The following GALNT2 variants were observed in gnomAD, a reference collection of about 807,000 sequenced individuals.
GALNT2 encodes UDP-GalNAc:polypeptide N-acetylgalactosaminyltransferase 2.
A neutral mutation model predicts 81.4 loss-of-function variants in GALNT2; 31 were observed. The observed-to-expected ratio is 0.38, with a 90% CI of 0.29 to 0.51. The LOEUF is 0.51. GALNT2 is among the 20% of genes least tolerant of loss of function. The pLI, the probability that GALNT2 is intolerant of heterozygous loss-of-function variation, is 0.87. For missense variants in GALNT2, 629 were observed against 765.7 expected, an observed-to-expected ratio of 0.82 and a Z score of 2.11; for synonymous variants, 303 against 287.4, an observed-to-expected ratio of 1.05 and a Z score of -0.55.
Position 230,070,629 on chromosome 1 carries a change from C to T in GALNT2, c.126+3223C>T, listed in dbSNP as rs77091524. On this transcript the variant is annotated intron_variant, in intron 1 of 15. Coordinates refer to ENST00000366672, the MANE Select transcript of GALNT2 (RefSeq NM_004481.5). This position sits in a 1 kb window ranked among gnomAD's most constrained non-coding sequence, Gnocchi z 4.7. ...ATCACCCTTATTCCCTGAGCTGGCA[C>T]GAGTCCTGTGGCCCTTGCCCGAGAG... Among the ~76,000 whole-genome samples, 3 of 151,474 alleles carry T rather than the reference C, an allele frequency of 2.0e-5. No homozygotes were observed. Among genetic ancestry groups the T allele is most frequent in the South Asian group, 2.1e-4 (1 of 4,744 alleles).
At position 230,114,006 on chromosome 1, in the gene GALNT2, G is replaced by A. The variant is rs542047376; in HGVS notation, c.126+46600G>A. ...TTCATCTCCGTGAAGTGCTTGACGT[G>A]ATAGAATGAAAACCCTTGCGTTCCC... On this transcript the variant is annotated intron_variant, in intron 1 of 15. Coordinates refer to ENST00000366672, the MANE Select transcript of GALNT2 (RefSeq NM_004481.5). 3.9e-5 allele frequency among the ~76,000 whole-genome samples: 6 copies of A among 152,262 alleles called. No individual in the cohort carries two copies. In the South Asian group the frequency reaches 1.2e-3, roughly 32 times the overall value.
chr1:230,068,613 C>T (rs1379948507), intron 1 of GALNT2, among the ~76,000 whole-genome samples: 1 of 152,176 alleles, frequency 6.6e-6, no homozygotes, highest in Non-Finnish European at 1.5e-5. Context: ...TGAAGTCAGA[C>T]CCCTAAATGT....
chr1:230,166,250 A>G (rs982263522), intron 1 of GALNT2, among the ~76,000 whole-genome samples: 1 of 152,244 alleles, frequency 6.6e-6, no homozygotes, highest in Non-Finnish European at 1.5e-5. Context: ...GAAAATGTAC[A>G]TTTTAAATGA....
intron 3 of GALNT2, among the ~76,000 whole-genome samples, chr1:230,235,190 G>A (rs368144306): frequency 1.4e-5 from 2 of 141,770 alleles, no homozygotes; most frequent in South Asian, 4.5e-4. Context: ...CTCTAGGATG[G>A]GTGACAGAGT....
At chr1:230,063,572 C>G (rs1267954367), upstream of GALNT2, among the ~76,000 whole-genome samples, 1 of 152,158 alleles carries the variant, frequency 6.6e-6, no homozygotes, top group South Asian at 2.1e-4. Flanking sequence ...CAGACCTGCC[C>G]CATGTACAAT....
intron 1 of GALNT2, among the ~76,000 whole-genome samples, chr1:230,177,941 G>A (rs565231448): frequency 1.3e-5 from 2 of 152,274 alleles, no homozygotes; most frequent in South Asian, 4.1e-4. Context: ...GGGAGTTTTT[G>A]GAGTATTTCC....
At chr1:230,121,887 C>T (rs1433791966) in intron 1 of GALNT2, among the ~76,000 whole-genome samples, 4 of 149,448 alleles carry the variant, frequency 2.7e-5, no homozygotes, top group African/African-American at 7.4e-5. Flanking sequence ...TATCTTATAA[C>T]GTTTATTTTT....
chr1:230,108,492 A>G (rs947609776), intron 1 of GALNT2, among the ~76,000 whole-genome samples: 1 of 152,228 alleles, frequency 6.6e-6, no homozygotes, highest in African/African-American at 2.4e-5. Flanking sequence ...GATGTGGCGC[A>G]TTGTAAGTCG....
At position 230,223,937 on chromosome 1, in the gene GALNT2, T is replaced by G. The variant is rs531522094; in HGVS notation, c.375-12077T>G. 2.3e-3 allele frequency among the ~76,000 whole-genome samples: 355 copies of G among 152,242 alleles called. 1 individual carries two copies. The highest frequency in any genetic ancestry group is 8.2e-3 in the African/African-American group (340 of 41,538). ...CACAGACTCCATTATCTGGCCCAGCTTTTGTGGGGAGAACTGCAAGAGTAG... is the reference window on the plus strand; with the variant it reads ...CACAGACTCCATTATCTGGCCCAGCGTTTGTGGGGAGAACTGCAAGAGTAG... On this transcript the variant is annotated intron_variant, in intron 3 of 15. Transcript: ENST00000366672.
At chr1:230,278,336 G>A (rs1666351584) in intron 15 of GALNT2, among the ~76,000 whole-genome samples, 1 of 151,984 alleles carries the variant, frequency 6.6e-6, no homozygotes, top group South Asian at 2.1e-4. Context: ...TGTTGCCCAG[G>A]CTGGTCTTGA....
At chr1:230,168,183 G>A (rs373200964) in intron 1 of GALNT2, among the ~76,000 whole-genome samples, 56 of 112,812 alleles carry the variant, frequency 5.0e-4, no homozygotes, top group African/African-American at 1.3e-3. Flanking sequence ...TTAAAGTGTC[G>A]GGCGCTCAGC....
rs1553257212 is a variant in GALNT2, at chr1:230,110,714, G to GTGTTTT, written c.126+43309_126+43310insGTTTTT. Reference sequence around the variant, plus strand: ...GGGTCTCTCTCAGCTGTGCTTTTCTGTTTTTTTTTTTTTTGTCTTCAATAG... The same window carrying GTGTTTT: ...GGGTCTCTCTCAGCTGTGCTTTTCTGTGTTTTTTTTTTTTTTTTTTGTCTTCAATAG... On this transcript the variant is annotated intron_variant, in intron 1 of 15. Coordinates refer to ENST00000366672, the MANE Select transcript of GALNT2 (RefSeq NM_004481.5). Among the ~76,000 whole-genome samples, 662 of 137,636 alleles carry GTGTTTT rather than the reference G, an allele frequency of 4.8e-3. 10 individuals are homozygous for GTGTTTT. The highest frequency in any genetic ancestry group is 0.019 in the Middle Eastern group (5 of 264). The allele number at this position is 137,636 out of a possible 152,430, so 90.3% of individuals were successfully genotyped here. A position where few individuals can be genotyped will look rare whatever the true frequency, so the allele number is the denominator to read the frequency against.
At chr1:230,074,218 G>A (rs1013306848) in intron 1 of GALNT2, among the ~76,000 whole-genome samples, 5 of 151,864 alleles carry the variant, frequency 3.3e-5, no homozygotes, top group East Asian at 1.9e-4. Flanking sequence ...TCACCCTACC[G>A]AGTAGCTAAG....
At chr1:230,114,632 C>T (rs1469577262) in intron 1 of GALNT2, among the ~76,000 whole-genome samples, 9 of 152,118 alleles carry the variant, frequency 5.9e-5, no homozygotes, top group South Asian at 4.2e-4. Flanking sequence ...TGCCACCCGG[C>T]GAACTGGCCT....
At chr1:230,226,914 A>T (rs1664732272) in intron 3 of GALNT2, among the ~76,000 whole-genome samples, 1 of 152,220 alleles carries the variant, frequency 6.6e-6, no homozygotes, top group Non-Finnish European at 1.5e-5. Context: ...GGAAGGAAAT[A>T]AGGAAGGTAA....
At chr1:230,177,829 C>T (rs1663032667) in intron 1 of GALNT2, among the ~76,000 whole-genome samples, 1 of 152,186 alleles carries the variant, frequency 6.6e-6, no homozygotes, top group Non-Finnish European at 1.5e-5. Flanking sequence ...GTCTGGAGAG[C>T]TACCTTCATT....
At chr1:230,085,333 A>G (rs996635519) in intron 1 of GALNT2, among the ~76,000 whole-genome samples, 1 of 152,134 alleles carries the variant, frequency 6.6e-6, no homozygotes. Context: ...CTGAGCCCCT[A>G]TCCTGTCCCG....
intron 1 of GALNT2, among the ~76,000 whole-genome samples, chr1:230,141,283 T>C (rs1661723841): frequency 6.6e-6 from 1 of 152,232 alleles, no homozygotes; most frequent in African/African-American, 2.4e-5. Flanking sequence ...AGACCCGGGC[T>C]GGGTTCCTTA....
At position 230,279,948 on chromosome 1, in the gene GALNT2, T is replaced by C. The variant is rs1459291276; in HGVS notation, c.*490T>C. ...GTGTCACGTGGCAGGTTTACGTCAA[T>C]AGTCCCTCTCTCTGCTCCTCCATTC... On this transcript the variant is annotated 3_prime_UTR_variant, in exon 16 of 16. Coordinates refer to ENST00000366672, the MANE Select transcript of GALNT2 (RefSeq NM_004481.5). The surrounding 1 kb of genome is among the most constrained non-coding windows in gnomAD (Gnocchi z 4.6). 1 of 456,388 alleles carries C rather than the reference T, an allele frequency of 2.2e-6. No individual in the cohort carries two copies. The highest frequency in any genetic ancestry group is 2.3e-5 in the Admixed American group (1 of 42,578). 28.3% of individuals were successfully genotyped at this position (456,388 alleles called of 1,614,324 possible).
Sources: allele counts gnomAD v4.1 joint callset (sites outside exome capture counted in the v4.1 genomes callset), GRCh38; gene constraint gnomAD v4.1.1; non-coding constraint Gnocchi (gnomAD v3.1); transcripts MANE v1.5; gene names NCBI Gene and HGNC (gene_info 2026-07-23, HGNC 2026-07-21).